ITCH: variants seen among roughly 807,000 people sequenced by gnomAD.
ITCH encodes E3 ubiquitin-protein ligase Itchy homolog.
Under a neutral mutation model 126.8 loss-of-function variants are expected in ITCH, and 28 were observed. That is an observed-to-expected ratio of 0.22 (90% confidence interval 0.16 to 0.30). The LOEUF (loss-of-function observed/expected upper bound fraction) is 0.30, where lower values mean the gene tolerates loss of function less well. ITCH is among the 10% of genes least tolerant of loss of function. The pLI is 1.00. For synonymous variants in ITCH, 342 were observed against 340.0 expected (o/e 1.01, Z -0.06); for missense variants, 631 against 1,032.4 (o/e 0.61, Z 5.33).
intron 8 of ITCH, 76 bp from the exon 9 acceptor site, chr20:34,440,079 T>A (rs897550689): frequency 2.1e-5 from 22 of 1,055,626 alleles, no homozygotes; most frequent in Non-Finnish European, 3.0e-5. Flanking sequence ...TGCCTTTTAT[T>A]TTTTACAGTT....
intron 16 of ITCH, chr20:34,475,797 A>C (rs1988161079): frequency 1.5e-6 from 1 of 647,754 alleles, no homozygotes; most frequent in East Asian, 2.7e-5. Context: ...GTAGTTATAC[A>C]AGGTGAATTA....
intron 2 of ITCH, among the ~76,000 whole-genome samples, chr20:34,379,618 G>A (rs1274528856): frequency 2.1e-5 from 3 of 145,704 alleles, no homozygotes; most frequent in African/African-American, 5.1e-5. Flanking sequence ...TTTTTTAGAC[G>A]GAGTCTCGCT....
chr20:34,406,795 A>C (rs1411942962), intron 3 of ITCH, among the ~76,000 whole-genome samples: 1 of 152,048 alleles, frequency 6.6e-6, no homozygotes, highest in African/African-American at 2.4e-5. Context: ...CAGTCTCCCA[A>C]AGTGCTGGGA....
intron 5 of ITCH, among the ~76,000 whole-genome samples, chr20:34,413,066 T>C (rs1459513183): frequency 4.6e-5 from 7 of 152,026 alleles, no homozygotes; most frequent in Admixed American, 3.9e-4. Context: ...TGGAGTACAG[T>C]GGCTATTTAC....
intron 2 of ITCH, chr20:34,384,197 G>A (rs2038181118): frequency 6.8e-6 from 1 of 147,640 alleles, no homozygotes. Flanking sequence ...GAGTGGAGAA[G>A]GAACAAAGAA....
rs192426719 is a variant in ITCH at position 34,487,871 on chromosome 20, G to A, written c.2094-1395G>A. ...TGAGAATCGCTTGAACCCAGGTGGC[G>A]GAGGTTGCAGTAAGTCGAGATCACG... On this transcript the variant is annotated intron_variant, in intron 20 of 24. Coordinates refer to ENST00000374864, the MANE Select transcript of ITCH (RefSeq NM_031483.7). Among the ~76,000 whole-genome samples, 342 of 152,266 alleles carry A rather than the reference G, an allele frequency of 2.2e-3. 1 individual carries two copies. The highest frequency in any genetic ancestry group is 7.6e-3 in the African/African-American group (314 of 41,558).
chr20:34,432,608 A>G (rs909012259), intron 7 of ITCH, among the ~76,000 whole-genome samples: 1 of 152,212 alleles, frequency 6.6e-6, no homozygotes, highest in African/African-American at 2.4e-5. Context: ...TTTGCGGTAC[A>G]TAATTTGAAA....
At chr20:34,438,276 C>G (rs1489545279) in intron 7 of ITCH, among the ~76,000 whole-genome samples, 198 bp from the exon 8 acceptor site, 1 of 152,186 alleles carries the variant, frequency 6.6e-6, no homozygotes, top group African/African-American at 2.4e-5. Flanking sequence ...CACTCTATCT[C>G]TAGATGAACT....
intron 4 of ITCH, among the ~76,000 whole-genome samples, chr20:34,409,061 GC>G (rs1461209329): frequency 4.0e-5 from 6 of 150,006 alleles, no homozygotes; most frequent in South Asian, 2.1e-4. Context: ...GCTGAAGAGA[GC>G]CCATGGTCAC....
At chr20:34,377,181 T>C (rs6088475) in intron 2 of ITCH, among the ~76,000 whole-genome samples, 77,684 of 151,900 alleles carry the variant, frequency 0.51, 20,130 homozygotes, top group Admixed American at 0.62. Flanking sequence ...GAGACCAGCC[T>C]GGCCAACAGG....
rs945198233 is a variant in ITCH, at chr20:34,509,808, T to C, written c.*2014T>C. 5 of 152,668 alleles carry C rather than the reference T, an allele frequency of 3.3e-5. No individual in the cohort carries two copies. Among genetic ancestry groups the C allele is most frequent in the African/African-American group, 1.2e-4 (5 of 41,466 alleles). The allele number at this position is 152,668 out of a possible 1,614,324, so 9.5% of individuals were successfully genotyped here. A position where few individuals can be genotyped will look rare whatever the true frequency, so the allele number is the denominator to read the frequency against. ...TATGGCTAATGAAGATTAAGCCCTC[T>C]ATAAAGACTTCCTGTTGAGGTGAAT... On this transcript the variant is annotated 3_prime_UTR_variant, in exon 25 of 25. Transcript: ENST00000374864.
intron 17 of ITCH, 169 bp downstream of exon 17, chr20:34,478,029 C>T: frequency 2.4e-6 from 2 of 816,478 alleles, no homozygotes; most frequent in South Asian, 1.8e-5. Flanking sequence ...ACATTTAATT[C>T]AGCACTTTCT....
chr20:34,377,902 C>T (rs1189228839), intron 2 of ITCH, among the ~76,000 whole-genome samples: 3 of 151,290 alleles, frequency 2.0e-5, no homozygotes, highest in African/African-American at 7.3e-5. Context: ...TTCAGAATGT[C>T]TGAAGAAACC....
chr20:34,381,719 C>T (rs2146023451), intron 2 of ITCH, among the ~76,000 whole-genome samples: 1 of 152,040 alleles, frequency 6.6e-6, no homozygotes, highest in East Asian at 1.9e-4. Flanking sequence ...AGCGACCGCG[C>T]CTGGCGTGTG....
intron 22 of ITCH, among the ~76,000 whole-genome samples, chr20:34,490,398 C>T (rs913115231): frequency 6.6e-6 from 1 of 152,126 alleles, no homozygotes; most frequent in Non-Finnish European, 1.5e-5. Flanking sequence ...AGGCTGGGTG[C>T]GGTGGCTCAC....
chr20:34,376,055 G>T (rs1199117900), intron 2 of ITCH, among the ~76,000 whole-genome samples: 1 of 151,912 alleles, frequency 6.6e-6, no homozygotes, highest in Non-Finnish European at 1.5e-5. Context: ...GTTAAATGTT[G>T]GCAACTTATG....
At chr20:34,414,847 T>C (rs1299016817) in intron 6 of ITCH, among the ~76,000 whole-genome samples, 3 of 152,202 alleles carry the variant, frequency 2.0e-5, no homozygotes, top group African/African-American at 7.2e-5. Context: ...ATTCCCCTTC[T>C]ACTTCTGTAG....
chr20:34,494,318 G>A (rs1204883201), intron 23 of ITCH, among the ~76,000 whole-genome samples: 1 of 152,188 alleles, frequency 6.6e-6, no homozygotes, highest in Non-Finnish European at 1.5e-5. Flanking sequence ...TATACTGTCT[G>A]AGAAGCAATT....
chr20:34,381,994 C>G (rs1266642711), intron 2 of ITCH, among the ~76,000 whole-genome samples: 2 of 151,940 alleles, frequency 1.3e-5, no homozygotes, highest in African/African-American at 4.8e-5. Flanking sequence ...GTAAATCTTT[C>G]TTAGATTTCC....
Sources: gnomAD v4.1 joint callset for allele counts (sites outside exome capture counted in the v4.1 genomes callset) on GRCh38, gnomAD v4.1.1 for gene constraint, MANE v1.5 for transcripts, NCBI Gene and HGNC (gene_info 2026-07-23, HGNC 2026-07-21) for gene names.